The following NEBL variants were observed in gnomAD, a reference collection of about 807,000 sequenced individuals.
NEBL encodes nebulette.
In NEBL, 122 loss-of-function variants were observed where a neutral mutation model predicts 140.2. That is an observed-to-expected ratio of 0.87 (90% CI 0.75 to 1.01). The LOEUF (loss-of-function observed/expected upper bound fraction) is 1.01, where lower values mean the gene tolerates loss of function less well. NEBL is among the 50% of genes least tolerant of loss of function. NEBL has a pLI of 0.00. For synonymous variants in NEBL, 436 were observed against 398.9 expected (o/e 1.09, Z -1.11); for missense variants, 1,365 against 1,231.3 (o/e 1.11, Z -1.62).
At chr10:21,163,125 G>A (rs1003005194) in intron 2 of NEBL, among the ~76,000 whole-genome samples, 1 of 152,214 alleles carries the variant, frequency 6.6e-6, no homozygotes, top group African/African-American at 2.4e-5. Flanking sequence ...AGCCCAGTGT[G>A]GCTGGAGAGA....
intron 2 of NEBL, among the ~76,000 whole-genome samples, chr10:21,118,089 T>A (rs1838365650): frequency 6.6e-6 from 1 of 151,992 alleles, no homozygotes; most frequent in Admixed American, 6.6e-5. Flanking sequence ...GGCAACCTAG[T>A]GTCAGTCTGG....
chr10:20,831,615 T>G lies in NEBL; in HGVS notation c.1450-32A>C, dbSNP rs746737936. ...AAAATGAAACATACAGTTAGTGCTC[T>G]CCAATCATTTGAGAAACTGCTCAAA... On this transcript the variant is annotated intron_variant, in intron 14 of 27. Transcript: ENST00000377122. 14 of 1,410,826 alleles carry G rather than the reference T, an allele frequency of 9.9e-6. No homozygotes were observed. In the South Asian group the frequency reaches 1.6e-4, roughly 16 times the overall value. 87.4% of individuals were successfully genotyped at this position (1,410,826 alleles called of 1,614,324 possible).
At chr10:21,079,635 G>A (rs890528674) in intron 2 of NEBL, among the ~76,000 whole-genome samples, 4 of 152,212 alleles carry the variant, frequency 2.6e-5, no homozygotes, top group African/African-American at 9.7e-5. Flanking sequence ...AAAGTGGGCA[G>A]CTTCCCTCTC....
chr10:21,059,086 T>G (rs1035711569), intron 2 of NEBL, among the ~76,000 whole-genome samples: 2 of 152,252 alleles, frequency 1.3e-5, no homozygotes, highest in Non-Finnish European at 2.9e-5. Context: ...TAGACAGGCT[T>G]TACTATCACT....
intron 4 of NEBL, among the ~76,000 whole-genome samples, chr10:20,958,787 C>T (rs1835923159): frequency 6.6e-6 from 1 of 152,108 alleles, no homozygotes; most frequent in Non-Finnish European, 1.5e-5. Context: ...AACAAATCTC[C>T]CATGTTCAAT....
intron 3 of NEBL, among the ~76,000 whole-genome samples, chr10:21,187,587 C>T (rs930710997): frequency 3.3e-5 from 5 of 151,938 alleles, no homozygotes; most frequent in South Asian, 4.2e-4. Context: ...GATCACGGCT[C>T]GCTGTAGCCT....
chr10:20,868,819 T>C lies in NEBL; in HGVS notation c.583-54A>G, dbSNP rs528729161. ...ATATTTCTACCCTCCAATGATGAAC[T>C]ACATTGACATTAGCCAAAAAAAAAA... On this transcript the variant is annotated intron_variant, in intron 6 of 27. Transcript: ENST00000377122. The C allele has an allele frequency of 1.6e-4, 186 of 1,182,180 alleles. 2 individuals are homozygous for C. The South Asian group carries it at 2.1e-3, about 13-fold the overall frequency. 73.2% of individuals were successfully genotyped at this position (1,182,180 alleles called of 1,614,324 possible).
intron 2 of NEBL, among the ~76,000 whole-genome samples, chr10:21,048,812 A>G (rs1387212493): frequency 6.6e-6 from 1 of 152,168 alleles, no homozygotes; most frequent in Admixed American, 6.5e-5. Context: ...CCTGGCCAAC[A>G]TGGTGAAACC....
intron 4 of NEBL, among the ~76,000 whole-genome samples, chr10:20,883,861 C>G (rs1846231381): frequency 6.6e-6 from 1 of 152,180 alleles, no homozygotes; most frequent in Admixed American, 6.5e-5. Flanking sequence ...TACTAAGTAC[C>G]ACTTTAGAAT....
chr10:21,085,659 A>C lies in NEBL; in HGVS notation c.165-65458T>G, dbSNP rs558567255. On this transcript the variant is annotated intron_variant, in intron 2 of 6. Transcript: ENST00000417816. ...CTAAAAATTAAAATTAAAATTAGAA[A>C]TAAAACAACATATATACAAAAGCTC... Among the ~76,000 whole-genome samples the C allele has an allele frequency of 2.0e-3, 310 of 152,334 alleles. 3 individuals carry two copies. Among genetic ancestry groups the C allele is most frequent in the African/African-American group, 7.0e-3 (292 of 41,558 alleles).
intron 2 of NEBL, among the ~76,000 whole-genome samples, chr10:21,084,526 G>A (rs1165397759): frequency 6.6e-6 from 1 of 152,080 alleles, no homozygotes; most frequent in Non-Finnish European, 1.5e-5. Context: ...GATCCCAGGA[G>A]GCAGAGGTTG....
intron 3 of NEBL, among the ~76,000 whole-genome samples, chr10:21,215,592 A>T (rs146037960): frequency 6.6e-6 from 1 of 152,318 alleles, no homozygotes; most frequent in African/African-American, 2.4e-5. Flanking sequence ...AAAAAAATAT[A>T]ATCTGTTTAT....
At chr10:20,925,389 C>G (rs1833847991) in intron 4 of NEBL, among the ~76,000 whole-genome samples, 1 of 152,096 alleles carries the variant, frequency 6.6e-6, no homozygotes, top group African/African-American at 2.4e-5. Flanking sequence ...AAAAGTTCAT[C>G]TTTCCCCTCT....
At chr10:21,181,873 T>C (rs1178346633) in intron 3 of NEBL, among the ~76,000 whole-genome samples, 1 of 152,206 alleles carries the variant, frequency 6.6e-6, no homozygotes, top group Non-Finnish European at 1.5e-5. Flanking sequence ...AAAAACATGT[T>C]GACTGGCCCA....
At chr10:20,817,501 C>G in intron 21 of NEBL, 99 bp downstream of exon 21, 4 of 1,020,824 alleles carry the variant, frequency 3.9e-6, no homozygotes, top group Non-Finnish European at 6.2e-6. Context: ...AACAGGACAT[C>G]AGCTCAAGGT....
chr10:20,908,691 C>T (rs933596895), intron 4 of NEBL, among the ~76,000 whole-genome samples: 2 of 152,054 alleles, frequency 1.3e-5, no homozygotes, highest in African/African-American at 4.8e-5. Flanking sequence ...ATCATGGAGT[C>T]GGGAAGAGAT....
At chr10:21,016,936 C>A (rs768858300) in intron 3 of NEBL, among the ~76,000 whole-genome samples, 1 of 152,234 alleles carries the variant, frequency 6.6e-6, no homozygotes, top group Non-Finnish European at 1.5e-5. Flanking sequence ...ATAATGACTT[C>A]TTCCTACTTA....
At chr10:20,933,169 G>T (rs189180482) in intron 4 of NEBL, among the ~76,000 whole-genome samples, 2 of 152,206 alleles carry the variant, frequency 1.3e-5, no homozygotes, top group African/African-American at 4.8e-5. Flanking sequence ...GAAGCCTTTA[G>T]ATTACTTATG....
In NEBL at chr10:21,278,851, C is replaced by G. The variant is rs561589661; in HGVS notation, n.182+13979G>C. Among the ~76,000 whole-genome samples, 6 of 152,138 alleles carry G rather than the reference C, an allele frequency of 3.9e-5. No individual in the cohort carries two copies. In the South Asian group the frequency reaches 8.3e-4, roughly 21 times the overall value. On this transcript the variant is annotated intron_variant and non_coding_transcript_variant, in intron 1 of 8. Transcript: ENST00000675702. ...GTTAGAATCAGGCCTCCTCACTCCCCGCAAGGCCTGTCCACCACACTGGCT... is the reference window on the plus strand; with the variant it reads ...GTTAGAATCAGGCCTCCTCACTCCCGGCAAGGCCTGTCCACCACACTGGCT...
Sources: gnomAD v4.1 joint callset for allele counts (sites outside exome capture counted in the v4.1 genomes callset) on GRCh38, gnomAD v4.1.1 for gene constraint, MANE v1.5 for transcripts, NCBI Gene and HGNC (gene_info 2026-07-23, HGNC 2026-07-21) for gene names.